Variants in COL27A1 observed in about 807,000 individuals in gnomAD.
The protein encoded by COL27A1 is collagen alpha-1(XXVII) chain.
COL27A1 carries 106 observed loss-of-function variants against 251.3 expected under a neutral mutation model. The ratio of observed to expected loss-of-function variants is 0.42; its 90% confidence interval spans 0.36 to 0.50. The LOEUF is 0.50. Ranked by LOEUF, COL27A1 falls within the 20% of genes least tolerant of loss-of-function variation. The pLI is 0.00. For synonymous variants in COL27A1, 1,000 were observed against 986.3 expected (o/e 1.01, Z -0.26); for missense variants, 2,325 against 2,522.8 (o/e 0.92, Z 1.68).
intron 27 of COL27A1, among the ~76,000 whole-genome samples, chr9:114,258,063 G>T (rs1204225036): frequency 6.6e-6 from 1 of 152,162 alleles, no homozygotes; most frequent in East Asian, 1.9e-4. Flanking sequence ...TGGGCATGAT[G>T]GTGCATGCCT....
At chr9:114,259,424 C>G (rs909368171) in intron 28 of COL27A1, among the ~76,000 whole-genome samples, 1 of 152,168 alleles carries the variant, frequency 6.6e-6, no homozygotes, top group Non-Finnish European at 1.5e-5. Flanking sequence ...TCAACACTAC[C>G]CTGTCATGAA....
intron 49 of COL27A1, among the ~76,000 whole-genome samples, chr9:114,294,925 A>G (rs148456464): frequency 1.3e-5 from 2 of 152,382 alleles, no homozygotes; most frequent in African/African-American, 4.8e-5. Flanking sequence ...AATAATGTCT[A>G]TGTAGAAGAT....
Position 114,163,672 on chromosome 9 carries a change from C to T in COL27A1, c.133+887C>T, listed in dbSNP as rs570101384. 9.8e-5 allele frequency among the ~76,000 whole-genome samples: 15 copies of T among 152,342 alleles called. No homozygotes were observed. The South Asian group carries it at 1.4e-3, about 15-fold the overall frequency. On this transcript the variant is annotated intron_variant, in intron 2 of 60. Transcript: ENST00000356083. ...TGCTGGGGCAGGCAGCCCGGCACGCCGGGAGTCCCTGTGGCCTGACCTGGC... is the reference window on the plus strand; with the variant it reads ...TGCTGGGGCAGGCAGCCCGGCACGCTGGGAGTCCCTGTGGCCTGACCTGGC...
Position 114,169,203 on chromosome 9 carries a change from A to T in COL27A1, c.1648A>T (p.Ser550Cys). 3 of 1,614,096 alleles carry T rather than the reference A, an allele frequency of 1.9e-6. No individual in the cohort carries two copies. Among genetic ancestry groups the T allele is most frequent in the Non-Finnish European group, 2.5e-6 (3 of 1,180,022 alleles). Residue 550 changes from serine to cysteine, a missense_variant, in exon 3 of 61, where the codon AGC (serine) becomes TGC (cysteine). Transcript: ENST00000356083. ...EASKKAGPKS[S>C]PRKPVPLRPG... is the part of the protein sequence containing the mutation. ...CTCAAAGAAAGCCGGACCCAAGAGC[A>T]GCCCCCGGAAGCCTGTCCCCCTCAG...
At chr9:114,270,596 G>A (rs1282396970) in intron 35 of COL27A1, 132 bp from the exon 36 acceptor site, 2 of 660,390 alleles carry the variant, frequency 3.0e-6, no homozygotes, top group Non-Finnish European at 5.3e-6. Context: ...CTGTGTGCCA[G>A]GGCCCCCAGG....
intron 3 of COL27A1, among the ~76,000 whole-genome samples, chr9:114,170,344 T>A (rs1849224617): frequency 6.6e-6 from 1 of 152,210 alleles, no homozygotes; most frequent in South Asian, 2.1e-4. Flanking sequence ...GCAACGACCT[T>A]CCCACAGCTG....
intron 4 of COL27A1, among the ~76,000 whole-genome samples, chr9:114,180,851 C>T (rs1007618620): frequency 1.3e-5 from 2 of 152,130 alleles, no homozygotes; most frequent in African/African-American, 4.8e-5. Context: ...GGCAGGGAAA[C>T]AGGAAGCCCC....
At chr9:114,262,191 C>T (rs575732146) in intron 28 of COL27A1, among the ~76,000 whole-genome samples, 4 of 152,316 alleles carry the variant, frequency 2.6e-5, no homozygotes, top group East Asian at 1.9e-4. Context: ...GCTCCAGCTC[C>T]GCCAGGCCTG....
intron 22 of COL27A1, among the ~76,000 whole-genome samples, chr9:114,243,301 G>T (rs1325879400): frequency 1.3e-5 from 2 of 152,204 alleles, no homozygotes; most frequent in African/African-American, 4.8e-5. Context: ...GATGGGGGAG[G>T]CTTCCCTGAG....
Position 114,310,573 on chromosome 9 carries a change from A to G in COL27A1, c.5461A>G (p.Thr1821Ala), listed in dbSNP as rs1564598358. ...CKVQDGRWHQTLFTFRTQDPQ... is the reference protein window; with the variant it reads ...CKVQDGRWHQALFTFRTQDPQ... ...GGTCCAAGATGGCCGCTGGCATCAGACACTCTTCACCTTCCGGACCCAAGA... is the reference window on the plus strand; with the variant it reads ...GGTCCAAGATGGCCGCTGGCATCAGGCACTCTTCACCTTCCGGACCCAAGA... Residue 1821 changes from threonine (T) to alanine (A), a missense_variant, in exon 61 of 61, where the codon ACA becomes GCA. Thr to Ala is a moderately conservative substitution (Grantham distance 58). Around this residue, in one of 4 missense-constraint regions of COL27A1, gnomAD observed 327 missense variants for 442.8 expected, o/e 0.74. Transcript: ENST00000356083. 1 of 1,614,186 alleles carries G rather than the reference A, an allele frequency of 6.2e-7. No homozygotes were observed.
chr9:114,290,726 G>A lies in COL27A1; in HGVS notation c.4369-84G>A, dbSNP rs950416748. The A allele has an allele frequency of 2.0e-5, 21 of 1,025,210 alleles. No individual in the cohort carries two copies. The African/African-American group carries it at 2.9e-4, about 14-fold the overall frequency. The allele number at this position is 1,025,210 out of a possible 1,614,324, so 63.5% of individuals were successfully genotyped here. On this transcript the variant is annotated intron_variant, in intron 47 of 60. Coordinates refer to ENST00000356083, the MANE Select transcript of COL27A1 (RefSeq NM_032888.4). The surrounding 1 kb of genome is among the most constrained non-coding windows in gnomAD (Gnocchi z 4.6). ...TGACCCCTTCCTCCAGCTTCACCCAGGGTTTGCCCAGGCGTTGAGCCATCT... is the reference window on the plus strand; with the variant it reads ...TGACCCCTTCCTCCAGCTTCACCCAAGGTTTGCCCAGGCGTTGAGCCATCT...
chr9:114,304,614 G>T lies in COL27A1; in HGVS notation c.4879G>T (p.Asp1627Tyr). The change falls in exon 57 of 61, where the codon GAT becomes TAT. Residue 1627 changes from aspartate to tyrosine, a missense_variant. Physicochemically the swap from Asp to Tyr is radical, Grantham distance 160 (BLOSUM62 -3). Around this residue, in one of 4 missense-constraint regions of COL27A1, gnomAD observed 327 missense variants for 442.8 expected, o/e 0.74. Transcript: ENST00000356083. Reference protein sequence around the residue: ...PPGGPIQLQQDDLGAAFQTWM... With the variant: ...PPGGPIQLQQYDLGAAFQTWM... ...CTGTCTTTTCCTTGCCCAGCAACAA[G>T]ATGATCTTGGGGCAGCTTTCCAGAC... 1 of 1,614,186 alleles carries T rather than the reference G, an allele frequency of 6.2e-7. No individual in the cohort carries two copies. The highest frequency in any genetic ancestry group is 1.1e-5 in the South Asian group (1 of 91,086).
intron 2 of COL27A1, among the ~76,000 whole-genome samples, chr9:114,166,444 T>TATCCATCCATCCATCCGTCCATCCATCC (rs1554786443): frequency 5.0e-5 from 7 of 140,858 alleles, no homozygotes; most frequent in Non-Finnish European, 6.1e-5. Context: ...TCCATTCATC[T>TATCCATCCATCCATCCGTCCATCCATCC]ATCCATCCAT....
chr9:114,249,972 C>T (rs1833411146), intron 24 of COL27A1, among the ~76,000 whole-genome samples: 1 of 152,164 alleles, frequency 6.6e-6, no homozygotes, highest in South Asian at 2.1e-4. Flanking sequence ...TGCGCGTGTG[C>T]GTGTTTGCTT....
intron 7 of COL27A1, 120 bp from the exon 8 acceptor site, chr9:114,204,982 C>A: frequency 2.3e-6 from 2 of 859,548 alleles, no homozygotes; most frequent in Non-Finnish European, 1.9e-6. Context: ...TGAGTGCACA[C>A]TCCATCCCGG....
At chr9:114,214,418 C>T (rs1382177544) in intron 12 of COL27A1, among the ~76,000 whole-genome samples, 1 of 152,224 alleles carries the variant, frequency 6.6e-6, no homozygotes, top group Non-Finnish European at 1.5e-5. Flanking sequence ...CAGGCAAAAC[C>T]TTGGGCCCGT....
intron 27 of COL27A1, 29 bp downstream of exon 27, chr9:114,252,961 TCAAAC>T (rs752496446): frequency 1.4e-5 from 22 of 1,590,924 alleles, no homozygotes; most frequent in Non-Finnish European, 1.8e-5. Flanking sequence ...ATCCCTAAGC[TCAAAC>T]CACTGTCAGA....
Position 114,219,934 on chromosome 9 carries a change from C to A in COL27A1, c.2421+90C>A. 5.1e-6 allele frequency: 5 copies of A among 985,936 alleles called. No homozygotes were observed. In the South Asian group the frequency reaches 5.2e-5, roughly 10 times the overall value. The allele number at this position is 985,936 out of a possible 1,614,324, so 61.1% of individuals were successfully genotyped here. A position where few individuals can be genotyped will look rare whatever the true frequency, so the allele number is the denominator to read the frequency against. The stretch of plus-strand genomic sequence containing the variant: ...AGCCCACGCTTTAGGGTCAGACAGA[C>A]CTGGGTCAAATCCCAGCCCTGTGAA... On this transcript the variant is annotated intron_variant, in intron 13 of 60. Coordinates refer to ENST00000356083, the MANE Select transcript of COL27A1 (RefSeq NM_032888.4).
chr9:114,206,937 G>A (rs1464692240), intron 10 of COL27A1, among the ~76,000 whole-genome samples: 1 of 152,238 alleles, frequency 6.6e-6, no homozygotes, highest in Non-Finnish European at 1.5e-5. Context: ...AGACAGAGAG[G>A]GTTCTGGGTG....
Sources: gnomAD v4.1 joint callset for allele counts (sites outside exome capture counted in the v4.1 genomes callset) on GRCh38, gnomAD v4.1.1 for gene constraint, gnomAD v4.1.1 regional missense constraint, Gnocchi (gnomAD v3.1) non-coding constraint, MANE v1.5 for transcripts, NCBI Gene and HGNC (gene_info 2026-07-23, HGNC 2026-07-21) for gene names.